Variants in AP2B1 observed in about 807,000 individuals in gnomAD.
AP2B1 encodes AP-2 complex subunit beta.
Under a neutral mutation model 102.0 loss-of-function variants are expected in AP2B1, and 23 were observed. The ratio of observed to expected loss-of-function variants is 0.23; its 90% CI spans 0.16 to 0.32. AP2B1 has a LOEUF of 0.32. Ranked by LOEUF, AP2B1 falls within the 10% of genes least tolerant of loss-of-function variation. AP2B1 has a pLI of 1.00. For synonymous variants in AP2B1, 381 were observed against 421.2 expected (o/e 0.90, Z 1.17); for missense variants, 541 against 1,157.4 (o/e 0.47, Z 7.73).
chr17:35,644,473 G>A (rs973570317), intron 12 of AP2B1, among the ~76,000 whole-genome samples: 2 of 151,950 alleles, frequency 1.3e-5, no homozygotes, highest in South Asian at 2.1e-4. Context: ...CACCTCCCGG[G>A]TTCAAACAAT....
chr17:35,707,494 C>G (rs2076367808), intron 18 of AP2B1, among the ~76,000 whole-genome samples: 1 of 145,272 alleles, frequency 6.9e-6, no homozygotes, highest in South Asian at 2.2e-4. Context: ...GCTTTGTCAC[C>G]CAGGCTGGAG....
At chr17:35,653,899 T>G (rs1431430984) in intron 13 of AP2B1, among the ~76,000 whole-genome samples, 1 of 152,154 alleles carries the variant, frequency 6.6e-6, no homozygotes, top group Non-Finnish European at 1.5e-5. Flanking sequence ...TTCTTACTTA[T>G]CTTAACAGAA....
intron 16 of AP2B1, among the ~76,000 whole-genome samples, chr17:35,672,704 G>A (rs1598245156): frequency 1.3e-5 from 2 of 152,192 alleles, no homozygotes; most frequent in South Asian, 2.1e-4. Flanking sequence ...CAACTCGGTA[G>A]CTTTGTTGTA....
Position 35,660,052 on chromosome 17 carries a change from A to C in AP2B1, c.1989+2261A>C, listed in dbSNP as rs914432084. ...AAAGAGAAGATTAATCCTCAAAGCC[A>C]TTTTTTGAATGCATCCTTGCCTTAC... On this transcript the variant is annotated intron_variant, in intron 14 of 21. Transcript: ENST00000610402. 4.1e-6 allele frequency: 4 copies of C among 985,232 alleles called. No individual in the cohort carries two copies. The African/African-American group carries it at 7.0e-5, about 17-fold the overall frequency. 61.0% of individuals were successfully genotyped at this position (985,232 alleles called of 1,614,324 possible). A position where few individuals can be genotyped will look rare whatever the true frequency, so the allele number is the denominator to read the frequency against.
intron 21 of AP2B1, among the ~76,000 whole-genome samples, chr17:35,718,887 G>A (rs2143012760): frequency 6.6e-6 from 1 of 151,974 alleles, no homozygotes; most frequent in East Asian, 1.9e-4. Context: ...AGTAAACCAT[G>A]GCTAAGAATG....
At chr17:35,678,330 A>T (rs773784633) in intron 17 of AP2B1, among the ~76,000 whole-genome samples, 55 of 152,244 alleles carry the variant, frequency 3.6e-4, no homozygotes, top group Non-Finnish European at 7.1e-4. Context: ...CATGTCATTT[A>T]TGAACAGAGA....
rs1279475390 is a variant in AP2B1 at position 35,621,536 on chromosome 17, A to T, written c.526-2861A>T. The stretch of plus-strand genomic sequence containing the variant: ...TCTGGACGGTCACCATTTGGCAGTG[A>T]TCTCTCTTATTTGTGCAGGCTTTGC... On this transcript the variant is annotated intron_variant, in intron 5 of 21. Coordinates refer to ENST00000610402, the MANE Select transcript of AP2B1 (RefSeq NM_001030006.2). Among the ~76,000 whole-genome samples the T allele has an allele frequency of 3.3e-5, 5 of 152,174 alleles. No homozygotes were observed. The East Asian group carries it at 7.7e-4, about 23-fold the overall frequency.
chr17:35,626,928 T>A (rs1360568574), intron 7 of AP2B1, 86 bp downstream of exon 7: 5 of 1,279,030 alleles, frequency 3.9e-6, no homozygotes, highest in Non-Finnish European at 5.5e-6. Flanking sequence ...CTAGTGTTAA[T>A]CTCTTTTTAA....
intron 5 of AP2B1, among the ~76,000 whole-genome samples, chr17:35,619,644 A>G (rs926506974): frequency 2.6e-5 from 4 of 151,990 alleles, no homozygotes; most frequent in South Asian, 4.1e-4. Context: ...TTTAATATCT[A>G]TCTCTGTAAA....
intron 14 of AP2B1, among the ~76,000 whole-genome samples, chr17:35,664,328 A>T (rs2142916740): frequency 6.6e-6 from 1 of 152,262 alleles, no homozygotes; most frequent in South Asian, 2.1e-4. Context: ...ATCATAGCTC[A>T]CTGCAGCCTC....
intron 18 of AP2B1, among the ~76,000 whole-genome samples, chr17:35,686,402 G>A (rs1319420293): frequency 1.3e-5 from 2 of 152,138 alleles, no homozygotes; most frequent in Non-Finnish European, 2.9e-5. Context: ...TGTTAGTTGT[G>A]CTTAGAAACA....
At position 35,600,924 on chromosome 17, in the gene AP2B1, T is replaced by C. The variant is rs1298720282; in HGVS notation, c.143+2589T>C. 5 of 833,680 alleles carry C rather than the reference T, an allele frequency of 6.0e-6. No individual in the cohort carries two copies. The African/African-American group carries it at 9.2e-5, about 15-fold the overall frequency. 51.6% of individuals were successfully genotyped at this position (833,680 alleles called of 1,614,324 possible). On this transcript the variant is annotated intron_variant, in intron 3 of 21. Transcript: ENST00000610402. ...CAGCGTAGGAAATGACTCTGTATCT[T>C]CTCTTGCTCCAGGTGCTGCTCTTCT... is the stretch of plus-strand genomic sequence containing the variant.
chr17:35,668,931 A>C (rs1330490896), intron 14 of AP2B1, among the ~76,000 whole-genome samples: 1 of 152,074 alleles, frequency 6.6e-6, no homozygotes, highest in Non-Finnish European at 1.5e-5. Flanking sequence ...ATTCTTATCT[A>C]TGTAGTCCCC....
intron 9 of AP2B1, among the ~76,000 whole-genome samples, chr17:35,636,082 A>G (rs2074600269): frequency 6.6e-6 from 1 of 151,892 alleles, no homozygotes; most frequent in Non-Finnish European, 1.5e-5. Flanking sequence ...TGTTTTTCAG[A>G]TGTTTATACA....
chr17:35,666,621 T>C (rs2075471042), intron 14 of AP2B1, among the ~76,000 whole-genome samples: 1 of 152,160 alleles, frequency 6.6e-6, no homozygotes, highest in African/African-American at 2.4e-5. Flanking sequence ...GGAACAATAG[T>C]GAGTGGACAC....
rs558603819 is a variant in AP2B1 at position 35,650,471 on chromosome 17, T to C, written c.1537-59T>C. The C allele has an allele frequency of 4.5e-5, 71 of 1,573,314 alleles. No homozygotes were observed. In the African/African-American group the frequency reaches 9.1e-4, roughly 20 times the overall value. Reference sequence around the variant, plus strand: ...TTGGTTGATGATAAATCCAGCAGTTTGGGTTTCTGTATGGAGAACAGTTTC... The same window carrying C: ...TTGGTTGATGATAAATCCAGCAGTTCGGGTTTCTGTATGGAGAACAGTTTC... On this transcript the variant is annotated intron_variant, in intron 12 of 21. Transcript: ENST00000610402.
chr17:35,691,725 A>G (rs947950536), intron 18 of AP2B1, among the ~76,000 whole-genome samples: 5 of 149,244 alleles, frequency 3.4e-5, no homozygotes, highest in African/African-American at 1.3e-4. Context: ...AGACCTAAAA[A>G]TATTCCACCT....
chr17:35,717,287 C>T lies in AP2B1; in HGVS notation c.2719C>T (p.Leu907Phe), dbSNP rs138358422. The change falls in exon 21 of 22, where the codon CTC becomes TTC. Residue 907 changes from leucine to phenylalanine, a missense_variant. Leu to Phe is a conservative substitution (Grantham distance 22). Transcript: ENST00000610402. ...GQDMLYQSLKLTNGIWILAEL... is the reference protein window; with the variant it reads ...GQDMLYQSLKFTNGIWILAEL... ...GGACATGCTGTACCAATCCCTGAAGCTCACTAATGGCATTTGGATTTTGGC... is the reference window on the plus strand; with the variant it reads ...GGACATGCTGTACCAATCCCTGAAGTTCACTAATGGCATTTGGATTTTGGC... 1 of 1,614,186 alleles carries T rather than the reference C, an allele frequency of 6.2e-7. No homozygotes were observed. The highest frequency in any genetic ancestry group is 8.5e-7 in the Non-Finnish European group (1 of 1,180,006).
intron 5 of AP2B1, among the ~76,000 whole-genome samples, chr17:35,618,341 C>T (rs1381197470): frequency 6.6e-6 from 1 of 152,194 alleles, no homozygotes; most frequent in Non-Finnish European, 1.5e-5. Flanking sequence ...ATGTAAACCA[C>T]CTGTGTATTT....
Sources: gnomAD v4.1 joint callset for allele counts (sites outside exome capture counted in the v4.1 genomes callset) on GRCh38, gnomAD v4.1.1 for gene constraint, MANE v1.5 for transcripts, NCBI Gene and HGNC (gene_info 2026-07-23, HGNC 2026-07-21) for gene names.